The following EHBP1 variants were observed in gnomAD, a reference collection of about 807,000 sequenced individuals.
EHBP1 encodes the protein EH domain binding protein 1.
EHBP1 carries 55 observed loss-of-function variants against 144.0 expected under a neutral mutation model. That is an observed-to-expected ratio of 0.38 (90% CI 0.31 to 0.48). EHBP1 has a LOEUF of 0.48. EHBP1 is among the 20% of genes least tolerant of loss of function. The pLI, the probability that EHBP1 is intolerant of heterozygous loss-of-function variation, is 0.98. For missense variants in EHBP1, 1,200 were observed against 1,364.2 expected, an observed-to-expected ratio of 0.88 and a Z score of 1.90; for synonymous variants, 469 against 472.7, an observed-to-expected ratio of 0.99 and a Z score of 0.10.
At chr2:62,924,479 A>G (rs1366154598) in intron 10 of EHBP1, among the ~76,000 whole-genome samples, 1 of 152,190 alleles carries the variant, frequency 6.6e-6, no homozygotes, top group East Asian at 1.9e-4. Context: ...CTAGACTGGG[A>G]AAAAAGAGAG....
chr2:62,977,043 C>T (rs1167094867), intron 14 of EHBP1, among the ~76,000 whole-genome samples: 1 of 151,924 alleles, frequency 6.6e-6, no homozygotes, highest in African/African-American at 2.4e-5. Context: ...TATCTCACTA[C>T]AGTTTCCTTG....
intron 10 of EHBP1, among the ~76,000 whole-genome samples, chr2:62,926,419 T>C (rs556895032): frequency 6.6e-6 from 1 of 152,092 alleles, no homozygotes; most frequent in African/African-American, 2.4e-5. Flanking sequence ...AAGAAAATAT[T>C]TGCAAACTAC....
rs184291314 is a variant in EHBP1 at position 62,935,410 on chromosome 2, T to C, written c.1186-7308T>C. Among the ~76,000 whole-genome samples the C allele has an allele frequency of 5.3e-3, 804 of 150,924 alleles. 4 individuals carry two copies. The highest frequency in any genetic ancestry group is 8.4e-3 in the Non-Finnish European group (571 of 67,712). On this transcript the variant is annotated intron_variant, in intron 10 of 22. Transcript: ENST00000431489. ...TTTACTTTTTCGCAATAAAGCTTGATAGTTTTTTATAGCAGTCATGCATAT... is the reference window on the plus strand; with the variant it reads ...TTTACTTTTTCGCAATAAAGCTTGACAGTTTTTTATAGCAGTCATGCATAT...
intron 5 of EHBP1, among the ~76,000 whole-genome samples, chr2:62,801,739 A>G (rs2044004745): frequency 6.6e-6 from 1 of 152,234 alleles, no homozygotes; most frequent in Non-Finnish European, 1.5e-5. Context: ...TAGAGTTTGT[A>G]TATTTAAATT....
intron 5 of EHBP1, among the ~76,000 whole-genome samples, chr2:62,804,732 C>T (rs1360689258): frequency 6.6e-6 from 1 of 152,170 alleles, no homozygotes; most frequent in Non-Finnish European, 1.5e-5. Flanking sequence ...GGTCCGTGGC[C>T]TGTTAGGAAC....
intron 19 of EHBP1, among the ~76,000 whole-genome samples, chr2:63,023,417 A>C (rs571454364): frequency 4.6e-5 from 7 of 152,322 alleles, no homozygotes; most frequent in Admixed American, 2.6e-4. Context: ...TTTCCTAAGG[A>C]AAGACAGTGG....
At chr2:62,784,536 C>T (rs13013218) in intron 5 of EHBP1, among the ~76,000 whole-genome samples, 51,993 of 151,938 alleles carry the variant, frequency 0.34, 8,955 homozygotes, top group Middle Eastern at 0.54. Context: ...CCCTTGAAGA[C>T]GTCCAGGAGT....
At chr2:62,951,823 C>T (rs2057409741) in intron 13 of EHBP1, among the ~76,000 whole-genome samples, 1 of 151,996 alleles carries the variant, frequency 6.6e-6, no homozygotes. Context: ...CCGCGCCTGG[C>T]CAGATTTTTC....
intron 1 of EHBP1, among the ~76,000 whole-genome samples, chr2:62,681,020 A>G (rs537418617): frequency 6.6e-6 from 1 of 152,144 alleles, no homozygotes; most frequent in East Asian, 1.9e-4. Flanking sequence ...CTTTATAAAT[A>G]TACAAAAAAT....
intron 19 of EHBP1, among the ~76,000 whole-genome samples, chr2:63,019,599 C>T (rs1286962484): frequency 1.3e-5 from 2 of 151,152 alleles, no homozygotes; most frequent in South Asian, 2.1e-4. Flanking sequence ...CCCAGCTACT[C>T]GGGAGGCTGA....
intron 5 of EHBP1, among the ~76,000 whole-genome samples, chr2:62,822,838 T>C (rs954376111): frequency 1.3e-5 from 2 of 152,168 alleles, no homozygotes; most frequent in South Asian, 2.1e-4. Flanking sequence ...TACAGTCGAA[T>C]CCAGGTTTGT....
intron 7 of EHBP1, among the ~76,000 whole-genome samples, chr2:62,842,364 C>T (rs753000739): frequency 4.6e-4 from 70 of 152,234 alleles, no homozygotes; most frequent in Non-Finnish European, 6.9e-4. Context: ...AGATTATAGG[C>T]GTGAGCCACC....
intron 14 of EHBP1, among the ~76,000 whole-genome samples, chr2:62,974,528 T>C (rs1166303998): frequency 2.0e-5 from 3 of 152,200 alleles, no homozygotes; most frequent in Non-Finnish European, 4.4e-5. Flanking sequence ...CTCTGACTTA[T>C]TAAAATTACC....
intron 13 of EHBP1, among the ~76,000 whole-genome samples, chr2:62,954,135 A>G (rs1014550719): frequency 1.3e-5 from 2 of 152,170 alleles, no homozygotes; most frequent in African/African-American, 4.8e-5. Flanking sequence ...TAACTTGCCC[A>G]TAATTAAGTG....
intron 2 of EHBP1, among the ~76,000 whole-genome samples, chr2:62,726,163 C>T (rs1274594473): frequency 1.3e-5 from 2 of 152,214 alleles, no homozygotes; most frequent in African/African-American, 2.4e-5. Flanking sequence ...ATTACAGATG[C>T]TCCTTCACCA....
At position 62,942,766 on chromosome 2, in the gene EHBP1, C is replaced by T. The variant is rs1333108901; in HGVS notation, c.1234C>T (p.Gln412Ter). Residue 412 changes from glutamine (Q) to a stop codon, truncating the protein, a stop_gained, in exon 11 of 23, where the codon CAG becomes TAG. Coordinates refer to ENST00000431489, the MANE Select transcript of EHBP1 (RefSeq NM_001142616.3). LOFTEE classifies it high-confidence loss of function. ...TTTGGGGCGAAAGCCAAATGCTAGT[C>T]AGTCTTTGCTTGTATGGTGTAAAGA... Reference protein sequence around the residue: ...PVLGRKPNASQSLLVWCKEVT... With the variant: ...PVLGRKPNAS 2 of 1,612,116 alleles carry T rather than the reference C, an allele frequency of 1.2e-6. No individual in the cohort carries two copies. The highest frequency in any genetic ancestry group is 8.5e-7 in the Non-Finnish European group (1 of 1,178,864).
At chr2:62,920,713 A>G (rs2055005083) in intron 10 of EHBP1, among the ~76,000 whole-genome samples, 1 of 151,952 alleles carries the variant, frequency 6.6e-6, no homozygotes. Context: ...CCTGGGGTAG[A>G]GTGCAATGAC....
At chr2:63,025,139 C>A (rs2060919678) in intron 19 of EHBP1, among the ~76,000 whole-genome samples, 1 of 152,160 alleles carries the variant, frequency 6.6e-6, no homozygotes, top group East Asian at 1.9e-4. Context: ...TCTTTAAAAT[C>A]ATCCTACAAA....
intron 19 of EHBP1, among the ~76,000 whole-genome samples, chr2:63,014,288 T>G (rs2153254804): frequency 6.6e-6 from 1 of 152,338 alleles, no homozygotes; most frequent in Middle Eastern, 3.4e-3. Context: ...AATCTGCCCC[T>G]TTAGCTGTAT....
Sources: allele counts gnomAD v4.1 joint callset (sites outside exome capture counted in the v4.1 genomes callset), GRCh38; gene constraint gnomAD v4.1.1; transcripts MANE v1.5; gene names NCBI Gene and HGNC (gene_info 2026-07-23, HGNC 2026-07-21).